UCP3: variants seen among roughly 807,000 people sequenced by gnomAD.
UCP3 encodes putative mitochondrial transporter UCP3.
In UCP3, 24 loss-of-function variants were observed where a neutral mutation model predicts 28.1. The observed-to-expected ratio is 0.85, with a 90% CI of 0.62 to 1.20. UCP3 has a LOEUF of 1.20. Ranked by LOEUF, UCP3 falls within the 50% of genes most tolerant of loss-of-function variation. The pLI is 0.00. For missense variants in UCP3, 397 were observed against 422.2 expected (o/e 0.94, Z 0.52); for synonymous variants, 184 against 171.2 (o/e 1.07, Z -0.59).
At position 74,006,193 on chromosome 11, in the gene UCP3, C is replaced by A. The variant is rs777632209; in HGVS notation, c.313G>T (p.Val105Leu). The stretch of plus-strand genomic sequence containing the variant: ...CTGTCCGCGCCTTTGGGGGTGTACA[C>A]CTGCTTGACGGAGTCATAGAGGCCG... ...RIGLYDSVKQ[V>L]YTPKGADNSS... is the part of the protein sequence containing the mutation. The change falls in exon 3 of 7, where the codon GTG becomes TTG. Residue 105 changes from valine (V) to leucine (L), a missense_variant. Transcript: ENST00000314032. 6.2e-7 allele frequency: 1 copy of A among 1,614,212 alleles called. No individual in the cohort carries two copies. Among genetic ancestry groups the A allele is most frequent in the South Asian group, 1.1e-5 (1 of 91,086 alleles).
In UCP3 at chr11:74,001,306, C is replaced by A; in HGVS notation, c.*106G>T. 9.5e-7 allele frequency: 1 copy of A among 1,056,756 alleles called. No homozygotes were observed. The highest frequency in any genetic ancestry group is 1.4e-6 in the Non-Finnish European group (1 of 700,566). 65.5% of individuals were successfully genotyped at this position (1,056,756 alleles called of 1,614,324 possible). A position where few individuals can be genotyped will look rare whatever the true frequency, so the allele number is the denominator to read the frequency against. ...AATCAGCAACAAGTAAACAACAGTTCTGTAAACATGTGTGGGTCTGTGTCC... is the reference window on the plus strand; with the variant it reads ...AATCAGCAACAAGTAAACAACAGTTATGTAAACATGTGTGGGTCTGTGTCC... On this transcript the variant is annotated 3_prime_UTR_variant, in exon 7 of 7. Transcript: ENST00000314032.
intron 6 of UCP3, among the ~76,000 whole-genome samples, chr11:74,003,220 C>A (rs1951633861): frequency 6.6e-6 from 1 of 152,204 alleles, no homozygotes; most frequent in Non-Finnish European, 1.5e-5. Context: ...GTCTGAGCCA[C>A]TTTTGCTGTC....
intron 2 of UCP3, 149 bp from the exon 3 acceptor site, chr11:74,006,528 A>G (rs1179064971): frequency 5.1e-6 from 4 of 784,076 alleles, no homozygotes; most frequent in Non-Finnish European, 7.9e-6. Flanking sequence ...TCTGCGCAGC[A>G]TTTTACCATT....
At chr11:74,004,061 T>C (rs1951641481) in intron 5 of UCP3, 54 bp from the exon 6 acceptor site, 1 of 1,599,716 alleles carries the variant, frequency 6.3e-7, no homozygotes, top group Admixed American at 1.7e-5. Flanking sequence ...TCTGTCCATA[T>C]GTATGCACTG....
In UCP3 at chr11:74,000,440, G is replaced by GC. The variant is rs1239707809; in HGVS notation, c.*971_*972insG. 1 of 152,232 alleles carries GC rather than the reference G, an allele frequency of 6.6e-6. No homozygotes were observed. The highest frequency in any genetic ancestry group is 1.5e-5 in the Non-Finnish European group (1 of 67,954). The allele number at this position is 152,232 out of a possible 1,614,324, so 9.4% of individuals were successfully genotyped here. A position where few individuals can be genotyped will look rare whatever the true frequency, so the allele number is the denominator to read the frequency against. Reference sequence around the variant, plus strand: ...GGTACTCATGATTGAGCACGTGGTGGGGGGGGTGGGGAAGAGGCTGCATGG... The same window carrying GC: ...GGTACTCATGATTGAGCACGTGGTGGCGGGGGGTGGGGAAGAGGCTGCATGG... On this transcript the variant is annotated 3_prime_UTR_variant, in exon 7 of 7. Transcript: ENST00000314032.
chr11:74,006,740 A>AT (rs777147440), intron 2 of UCP3, among the ~76,000 whole-genome samples, 177 bp downstream of exon 2: 1 of 152,068 alleles, frequency 6.6e-6, no homozygotes, highest in Non-Finnish European at 1.5e-5. Context: ...AAGAATTTAG[A>AT]TTTTTTTGTC....
chr11:74,007,311 ATCC>A (rs1400653374), intron 1 of UCP3, 174 bp from the exon 2 acceptor site: 1 of 469,602 alleles, frequency 2.1e-6, no homozygotes, highest in Admixed American at 3.4e-5. Context: ...GAATTTTGCA[ATCC>A]TCCTCCTGAC....
chr11:74,003,734 G>A (rs1197187847), intron 6 of UCP3, 93 bp downstream of exon 6: 5 of 1,506,646 alleles, frequency 3.3e-6, no homozygotes, highest in Admixed American at 2.3e-5. Context: ...ACTCTTCACC[G>A]CTACATCCCA....
At chr11:74,004,613 TGAAATGGGTGGGGAGGGAGGAATGG>T in intron 4 of UCP3, 28 bp from the exon 5 acceptor site, 1 of 1,595,170 alleles carries the variant, frequency 6.3e-7, no homozygotes, top group Non-Finnish European at 8.6e-7. Context: ...GGGAGGGATG[TGAAATGGGTGGGGAGGGAGGAATGG>T]GAAATGGGAG....
rs1253447402 is a variant in UCP3 at position 74,003,739 on chromosome 11, A to G, written c.824+88T>C. ...TTACATCTGTACTCTTCACCGCTAC[A>G]TCCCAGGTTGACCCACGGTAGCCAC... On this transcript the variant is annotated intron_variant, in intron 6 of 6. Transcript: ENST00000314032. The G allele has an allele frequency of 4.6e-6, 7 of 1,511,782 alleles. No homozygotes were observed. In the Admixed American group the frequency reaches 6.8e-5, roughly 15 times the overall value. The allele number at this position is 1,511,782 out of a possible 1,614,324, so 93.6% of individuals were successfully genotyped here. A position where few individuals can be genotyped will look rare whatever the true frequency, so the allele number is the denominator to read the frequency against.
chr11:74,000,753 G>A lies in UCP3; in HGVS notation c.*659C>T, dbSNP rs1326741817. The A allele has an allele frequency of 6.6e-6, 1 of 152,300 alleles. No individual in the cohort carries two copies. The highest frequency in any genetic ancestry group is 1.5e-5 in the Non-Finnish European group (1 of 68,114). 9.4% of individuals were successfully genotyped at this position (152,300 alleles called of 1,614,324 possible). A position where few individuals can be genotyped will look rare whatever the true frequency, so the allele number is the denominator to read the frequency against. On this transcript the variant is annotated 3_prime_UTR_variant, in exon 7 of 7. Coordinates refer to ENST00000314032, the MANE Select transcript of UCP3 (RefSeq NM_003356.4). Reference sequence around the variant, plus strand: ...CTCCCTCCATTTTGTAGGAAAGTGGGGGCTGCCCTCTTGATTCTTCAGTGT... The same window carrying A: ...CTCCCTCCATTTTGTAGGAAAGTGGAGGCTGCCCTCTTGATTCTTCAGTGT...
Position 74,008,700 on chromosome 11 carries a change from C to G in UCP3, c.-96+278G>C, listed in dbSNP as rs146351427. ...TCCTGTCTATGGGGATTTGCAAAATCCCACCAGAGGCAGCCAGCAAGGCAA... is the reference window on the plus strand; with the variant it reads ...TCCTGTCTATGGGGATTTGCAAAATGCCACCAGAGGCAGCCAGCAAGGCAA... On this transcript the variant is annotated intron_variant, in intron 1 of 6. Coordinates refer to ENST00000314032, the MANE Select transcript of UCP3 (RefSeq NM_003356.4). 2.8e-3 allele frequency among the ~76,000 whole-genome samples: 424 copies of G among 152,268 alleles called. 2 individuals carry two copies. The highest frequency in any genetic ancestry group is 7.5e-3 in the African/African-American group (312 of 41,552).
In UCP3 at chr11:74,000,309, A is replaced by G. The variant is rs1371235737; in HGVS notation, c.*1103T>C. On this transcript the variant is annotated 3_prime_UTR_variant, in exon 7 of 7. Transcript: ENST00000314032. The stretch of plus-strand genomic sequence containing the variant: ...TCTTACTCCCACACCTAAGGTGTGA[A>G]TTCTTTTATTGAGTCATAATAATTT... The G allele has an allele frequency of 6.6e-6, 1 of 152,574 alleles. No homozygotes were observed. The highest frequency in any genetic ancestry group is 2.4e-5 in the African/African-American group (1 of 41,416). The allele number at this position is 152,574 out of a possible 1,614,324, so 9.5% of individuals were successfully genotyped here.
Position 74,001,291 on chromosome 11 carries a change from A to C in UCP3, c.*121T>G, listed in dbSNP as rs1273104557. Reference sequence around the variant, plus strand: ...TACTTCTGTTTCTTGAATCAGCAACAAGTAAACAACAGTTCTGTAAACATG... The same window carrying C: ...TACTTCTGTTTCTTGAATCAGCAACCAGTAAACAACAGTTCTGTAAACATG... On this transcript the variant is annotated 3_prime_UTR_variant, in exon 7 of 7. Coordinates refer to ENST00000314032, the MANE Select transcript of UCP3 (RefSeq NM_003356.4). The C allele has an allele frequency of 3.2e-6, 3 of 927,984 alleles. No individual in the cohort carries two copies. The highest frequency in any genetic ancestry group is 3.3e-6 in the Non-Finnish European group (2 of 597,758). 57.5% of individuals were successfully genotyped at this position (927,984 alleles called of 1,614,324 possible).
rs553186689 is a variant in UCP3 at position 74,006,048 on chromosome 11, A to G, written c.338-115T>C. The G allele has an allele frequency of 8.3e-6, 13 of 1,558,872 alleles. No homozygotes were observed. The East Asian group carries it at 2.8e-4, about 34-fold the overall frequency. On this transcript the variant is annotated intron_variant, in intron 3 of 6. Transcript: ENST00000314032. ...CTTGATGTCCACTCAGAGCCTCCTC[A>G]TAAGCGTCCGGTACCAGCTTCCCCC...
intron 1 of UCP3, among the ~76,000 whole-genome samples, chr11:74,008,671 C>T (rs2135391213): frequency 6.6e-6 from 1 of 152,254 alleles, no homozygotes; most frequent in Non-Finnish European, 1.5e-5. Flanking sequence ...AGAAGAAAGC[C>T]ACTTCCTGTC....
chr11:74,000,443 G>C lies in UCP3; in HGVS notation c.*969C>G, dbSNP rs1273727049. 2.6e-5 allele frequency: 4 copies of C among 152,256 alleles called. No homozygotes were observed. In the East Asian group the frequency reaches 5.8e-4, roughly 22 times the overall value. The allele number at this position is 152,256 out of a possible 1,614,324, so 9.4% of individuals were successfully genotyped here. On this transcript the variant is annotated 3_prime_UTR_variant, in exon 7 of 7. Transcript: ENST00000314032. ...ACTCATGATTGAGCACGTGGTGGGG[G>C]GGGTGGGGAAGAGGCTGCATGGGGG...
Position 74,006,844 on chromosome 11 carries a change from G to A in UCP3, c.126+73C>T, listed in dbSNP as rs966146461. ...TCTGAGGAAGGGCATGTGGGCACAC[G>A]TCATGGGGGATATGGGAGAGAACTA... On this transcript the variant is annotated intron_variant, in intron 2 of 6. Transcript: ENST00000314032. 92 of 1,611,176 alleles carry A rather than the reference G, an allele frequency of 5.7e-5. No homozygotes were observed. The Middle Eastern group carries it at 8.2e-4, about 14-fold the overall frequency.
chr11:74,002,639 G>T, intron 6 of UCP3: 2 of 489,272 alleles, frequency 4.1e-6, no homozygotes, highest in Non-Finnish European at 5.3e-6. Context: ...CTTTGAGGGA[G>T]GCATAACCCA....
Sources: allele counts gnomAD v4.1 joint callset (sites outside exome capture counted in the v4.1 genomes callset), GRCh38; gene constraint gnomAD v4.1.1; transcripts MANE v1.5; gene names NCBI Gene and HGNC (gene_info 2026-07-23, HGNC 2026-07-21).